The following NDUFA13 variants were observed in gnomAD, a reference collection of about 807,000 sequenced individuals.
NDUFA13 encodes NADH:ubiquinone oxidoreductase subunit A13.
NDUFA13 carries 16 observed loss-of-function variants against 17.0 expected under a neutral mutation model. The ratio of observed to expected loss-of-function variants is 0.94; its 90% CI spans 0.64 to 1.43. The LOEUF (loss-of-function observed/expected upper bound fraction) is 1.43. NDUFA13 is among the 40% of genes most tolerant of loss of function. The probability of loss-of-function intolerance (pLI) is 0.00; values close to 1 mark genes in which losing one functional copy is unlikely to be tolerated. For synonymous variants in NDUFA13, 87 were observed against 78.4 expected, an observed-to-expected ratio of 1.11 and a Z score of -0.58; for missense variants, 228 against 206.7, an observed-to-expected ratio of 1.10 and a Z score of -0.63.
chr19:19,526,030 C>T lies in NDUFA13; in HGVS notation c.95-152C>T, dbSNP rs758412387. 4.6e-6 allele frequency: 7 copies of T among 1,512,378 alleles called. No individual in the cohort carries two copies. In the African/African-American group the frequency reaches 9.7e-5, roughly 21 times the overall value. The allele number at this position is 1,512,378 out of a possible 1,614,324, so 93.7% of individuals were successfully genotyped here. A position where few individuals can be genotyped will look rare whatever the true frequency, so the allele number is the denominator to read the frequency against. On this transcript the variant is annotated intron_variant, in intron 1 of 4. Transcript: ENST00000507754. Reference sequence around the variant, plus strand: ...GCCTGGCTTGTACCTTTCAGAAAACCCCTGGCATGGGGGCAGAGGTGTCAC... The same window carrying T: ...GCCTGGCTTGTACCTTTCAGAAAACTCCTGGCATGGGGGCAGAGGTGTCAC...
intron 1 of NDUFA13, among the ~76,000 whole-genome samples, chr19:19,522,741 G>A (rs1161496904): frequency 6.6e-6 from 1 of 152,120 alleles, no homozygotes; most frequent in Non-Finnish European, 1.5e-5. Context: ...GCCTCCCAAA[G>A]TGCTAGAATT....
chr19:19,526,463 A>G (rs2061100148), intron 2 of NDUFA13: 1 of 637,380 alleles, frequency 1.6e-6, no homozygotes. Flanking sequence ...CATGTCTGCA[A>G]TCCCAGCACT....
At chr19:19,518,402 T>C (rs1190012613) in intron 1 of NDUFA13, among the ~76,000 whole-genome samples, 1 of 151,500 alleles carries the variant, frequency 6.6e-6, no homozygotes, top group Non-Finnish European at 1.5e-5. Flanking sequence ...ATCCGGCTAA[T>C]TTTTGTATTT....
intron 1 of NDUFA13, among the ~76,000 whole-genome samples, chr19:19,518,094 TAGTG>T (rs2061058457): frequency 6.7e-6 from 1 of 148,520 alleles, no homozygotes; most frequent in African/African-American, 2.5e-5. Flanking sequence ...CTGGGCAACA[TAGTG>T]AGACCCCCAC....
intron 1 of NDUFA13, 166 bp from the exon 2 acceptor site, chr19:19,526,016 A>T: frequency 6.7e-7 from 1 of 1,499,936 alleles, no homozygotes; most frequent in Non-Finnish European, 8.9e-7. Flanking sequence ...CCTGGCTTGT[A>T]CCTTTCAGAA....
At chr19:19,525,232 T>C (rs766707451) in intron 1 of NDUFA13, among the ~76,000 whole-genome samples, 2 of 152,240 alleles carry the variant, frequency 1.3e-5, no homozygotes, top group Non-Finnish European at 2.9e-5. Flanking sequence ...CTTGGGCTTC[T>C]AACAGGTTAA....
At chr19:19,524,720 C>T (rs1229008057) in intron 1 of NDUFA13, among the ~76,000 whole-genome samples, 1 of 152,070 alleles carries the variant, frequency 6.6e-6, no homozygotes, top group Non-Finnish European at 1.5e-5. Context: ...GTGGAAGAAT[C>T]GCTTGAACCC....
intron 1 of NDUFA13, among the ~76,000 whole-genome samples, chr19:19,522,899 A>G (rs1320127666): frequency 1.3e-5 from 2 of 152,136 alleles, no homozygotes; most frequent in Admixed American, 1.3e-4. Flanking sequence ...TCTCCCATTG[A>G]ATTATCTTGG....
At chr19:19,526,303 G>C in intron 2 of NDUFA13, 43 bp downstream of exon 2, 1 of 1,600,952 alleles carries the variant, frequency 6.2e-7, no homozygotes, top group Non-Finnish European at 8.5e-7. Context: ...CCCCCCCGGC[G>C]AGTTGTCGGG....
chr19:19,526,881 C>T (rs975019902), intron 2 of NDUFA13, among the ~76,000 whole-genome samples: 4 of 152,172 alleles, frequency 2.6e-5, no homozygotes, highest in Non-Finnish European at 5.9e-5. Flanking sequence ...AGATTGTGGC[C>T]CCGCCTGCCC....
At chr19:19,518,921 T>G (rs1271800943) in intron 1 of NDUFA13, among the ~76,000 whole-genome samples, 1 of 151,742 alleles carries the variant, frequency 6.6e-6, no homozygotes, top group African/African-American at 2.4e-5. Flanking sequence ...TTTTTGTATT[T>G]TTAGTAGAGA....
intron 2 of NDUFA13, 22 bp from the exon 3 acceptor site, chr19:19,527,259 T>C (rs766983018): frequency 1.9e-6 from 3 of 1,612,632 alleles, no homozygotes; most frequent in Non-Finnish European, 2.5e-6. Flanking sequence ...CTGACCTGAG[T>C]GTGGGTTTCG....
rs1471355807 is a variant in NDUFA13 at position 19,516,231 on chromosome 19, C to G, written c.-8C>G. 1.9e-6 allele frequency: 3 copies of G among 1,614,038 alleles called. No individual in the cohort carries two copies. Among genetic ancestry groups the G allele is most frequent in the East Asian group, 2.2e-5 (1 of 44,894 alleles). ...CGCCCGGGACCGGAAGTGTGGGATA[C>G]TGCGAGTATGGCGGCGTCAAAGGTG... On this transcript the variant is annotated 5_prime_UTR_variant, in exon 1 of 5. Coordinates refer to ENST00000507754, the MANE Select transcript of NDUFA13 (RefSeq NM_015965.7).
In NDUFA13 at chr19:19,526,241, A is replaced by C; in HGVS notation, c.154A>C (p.Lys52Gln). 6.2e-7 allele frequency: 1 copy of C among 1,614,128 alleles called. No individual in the cohort carries two copies. Among genetic ancestry groups the C allele is most frequent in the Non-Finnish European group, 8.5e-7 (1 of 1,180,016 alleles). Reference sequence around the variant, plus strand: ...GATCTACGGGCACTGGAGCATAATGAAGTGGAACCGTGAGCGCAGGTAGGG... The same window carrying C: ...GATCTACGGGCACTGGAGCATAATGCAGTGGAACCGTGAGCGCAGGTAGGG... Reference protein sequence around the residue: ...TLIYGHWSIMKWNRERRRLQI... With the variant: ...TLIYGHWSIMQWNRERRRLQI... Residue 52 changes from lysine (K) to glutamine (Q), a missense_variant, in exon 2 of 5, where the codon AAG becomes CAG. Physicochemically the swap from Lys to Gln is moderately conservative, Grantham distance 53. Transcript: ENST00000507754.
At chr19:19,524,054 C>CACTGCGCCCAGGT (rs1555726673) in intron 1 of NDUFA13, among the ~76,000 whole-genome samples, 3 of 151,920 alleles carry the variant, frequency 2.0e-5, no homozygotes, top group Non-Finnish European at 2.9e-5. Flanking sequence ...AAGCGTGAGC[C>CACTGCGCCCAGGT]GAAAAAATTT....
chr19:19,528,058 G>C lies in NDUFA13; in HGVS notation c.367G>C (p.Glu123Gln), dbSNP rs772452484. 5 of 1,612,076 alleles carry C rather than the reference G, an allele frequency of 3.1e-6. No homozygotes were observed. The African/African-American group carries it at 6.7e-5, about 22-fold the overall frequency. The change falls in exon 5 of 5, where the codon GAG (glutamate) becomes CAG (glutamine). Residue 123 changes from glutamate (E) to glutamine (Q), a missense_variant. Physicochemically the swap from Glu to Gln is conservative, Grantham distance 29 (BLOSUM62 2). Transcript: ENST00000507754. ...CCGCTGGGTGCCCCCCTTGATCGGG[G>C]AGCTGTACGGGCTGCGCACCACAGA... is the stretch of plus-strand genomic sequence containing the variant. ...TTRWVPPLIGELYGLRTTEEA... is the reference protein window; with the variant it reads ...TTRWVPPLIGQLYGLRTTEEA...
At chr19:19,526,882 C>T (rs2061102104) in intron 2 of NDUFA13, among the ~76,000 whole-genome samples, 1 of 152,208 alleles carries the variant, frequency 6.6e-6, no homozygotes, top group African/African-American at 2.4e-5. Context: ...GATTGTGGCC[C>T]CGCCTGCCCC....
chr19:19,518,466 C>T lies in NDUFA13; in HGVS notation c.94+2134C>T, dbSNP rs989343938. Among the ~76,000 whole-genome samples the T allele has an allele frequency of 5.9e-5, 9 of 151,984 alleles. No homozygotes were observed. The East Asian group carries it at 1.5e-3, about 26-fold the overall frequency. On this transcript the variant is annotated intron_variant, in intron 1 of 4. Transcript: ENST00000507754. ...GTCAGACTGGTCTCGAACTCCTGAC[C>T]TCAGGTTATCCACCCACCTCGGCCT...
intron 1 of NDUFA13, among the ~76,000 whole-genome samples, chr19:19,518,991 G>A (rs968842109): frequency 3.3e-5 from 5 of 150,668 alleles, no homozygotes; most frequent in South Asian, 2.1e-4. Flanking sequence ...TGATCTGCCC[G>A]CCTTGGTCTC....
Sources: gnomAD v4.1 joint callset for allele counts (sites outside exome capture counted in the v4.1 genomes callset) on GRCh38, gnomAD v4.1.1 for gene constraint, MANE v1.5 for transcripts, NCBI Gene and HGNC (gene_info 2026-07-23, HGNC 2026-07-21) for gene names.